MIA2: variants seen among roughly 807,000 people sequenced by gnomAD.
MIA2 encodes the protein MIA SH3 domain ER export factor 2.
A neutral mutation model predicts 167.8 loss-of-function variants in MIA2; 127 were observed. The observed-to-expected ratio is 0.76, with a 90% confidence interval of 0.66 to 0.88. The LOEUF (loss-of-function observed/expected upper bound fraction) is 0.88, where lower values mean the gene tolerates loss of function less well. MIA2 is among the 40% of genes least tolerant of loss of function. The probability of loss-of-function intolerance (pLI) is 0.00; values close to 1 mark genes in which losing one functional copy is unlikely to be tolerated. For missense variants in MIA2, 1,690 were observed against 1,624.7 expected (o/e 1.04, Z -0.69); for synonymous variants, 552 against 541.9 (o/e 1.02, Z -0.26).
At chr14:39,326,233 A>T (rs1194730570) in intron 24 of MIA2, among the ~76,000 whole-genome samples, 1 of 152,184 alleles carries the variant, frequency 6.6e-6, no homozygotes, top group African/African-American at 2.4e-5. Flanking sequence ...TGTGAATTTG[A>T]TATTTAGAAA....
intron 11 of MIA2, among the ~76,000 whole-genome samples, 180 bp from the exon 12 acceptor site, chr14:39,293,820 A>G (rs997031120): frequency 4.6e-5 from 7 of 152,194 alleles, no homozygotes; most frequent in African/African-American, 1.7e-4. Context: ...ATGAGATACT[A>G]TTGTTACGTA....
At chr14:39,290,435 G>T (rs571895469) in intron 9 of MIA2, among the ~76,000 whole-genome samples, 2 of 151,900 alleles carry the variant, frequency 1.3e-5, no homozygotes, top group African/African-American at 4.8e-5. Context: ...TAATTGAAGT[G>T]CATTTTGCCA....
At chr14:39,354,618 G>A (rs993118324), downstream of MIA2, among the ~76,000 whole-genome samples, 9 of 152,166 alleles carry the variant, frequency 5.9e-5, no homozygotes, top group African/African-American at 2.2e-4. Flanking sequence ...TGGTGTTTTA[G>A]ACATGAGATC....
In MIA2 at chr14:39,248,052, A is replaced by G. The variant is rs1566596198; in HGVS notation, c.1478A>G (p.Glu493Gly). 2.6e-6 allele frequency: 4 copies of G among 1,565,978 alleles called. No individual in the cohort carries two copies. The highest frequency in any genetic ancestry group is 3.4e-6 in the Non-Finnish European group (4 of 1,165,124). Residue 493 changes from glutamate to glycine, a missense_variant, in exon 4 of 29, where the codon GAA becomes GGA. Glu to Gly is a moderately conservative substitution (Grantham distance 98). Coordinates refer to ENST00000640607, the MANE Select transcript of MIA2 (RefSeq NM_001329214.4). ...ATACTGGATCAAAATAATGTAATTG[A>G]AAATGAAGAAACTGGAGAATTTTCC... ...KQILDQNNVI[E>G]NEETGEFSID...
chr14:39,353,327 T>A (rs1459039530), downstream of MIA2, among the ~76,000 whole-genome samples: 1 of 152,204 alleles, frequency 6.6e-6, no homozygotes, highest in East Asian at 1.9e-4. Context: ...AACCAACCTC[T>A]CTTCATGTTC....
chr14:39,234,357 C>T (rs939694041), intron 1 of MIA2, 128 bp downstream of exon 1: 1 of 531,496 alleles, frequency 1.9e-6, no homozygotes, highest in Non-Finnish European at 3.2e-6. Context: ...TTATGAAGTA[C>T]AGCTTGGTAT....
chr14:39,282,760 A>G (rs968277480), intron 9 of MIA2, among the ~76,000 whole-genome samples: 3 of 152,018 alleles, frequency 2.0e-5, no homozygotes, highest in South Asian at 4.1e-4. Context: ...TTTTGTAGAG[A>G]TGGGGTCTCC....
intron 10 of MIA2, among the ~76,000 whole-genome samples, chr14:39,292,334 A>G (rs1006959857): frequency 6.6e-6 from 1 of 152,240 alleles, no homozygotes; most frequent in South Asian, 2.1e-4. Flanking sequence ...GAATTATTAT[A>G]GGAGTAAAAT....
At position 39,376,779 on chromosome 14, in the gene MIA2, T is replaced by C. The variant is rs1400270365; in HGVS notation, c.2249-10106T>C. 3.3e-5 allele frequency among the ~76,000 whole-genome samples: 5 copies of C among 152,144 alleles called. No homozygotes were observed. In the East Asian group the frequency reaches 5.8e-4, roughly 18 times the overall value. On this transcript the variant is annotated intron_variant, in intron 23 of 23. Coordinates refer to the MIA2 transcript ENST00000341502. ...AGCAGGCTGGAGGGGAAATAGGAAG[T>C]GTAGGGTCACATTACTGAATCCACA... is the stretch of plus-strand genomic sequence containing the variant.
chr14:39,244,259 A>C (rs1254050550), intron 3 of MIA2, among the ~76,000 whole-genome samples: 1 of 152,222 alleles, frequency 6.6e-6, no homozygotes, highest in African/African-American at 2.4e-5. Context: ...GCCTTGGGAA[A>C]GGGGGATTCT....
At chr14:39,385,981 G>T in intron 23 of MIA2, 1 of 839,634 alleles carries the variant, frequency 1.2e-6, no homozygotes, top group South Asian at 1.5e-5. Flanking sequence ...GCCACCATTT[G>T]AGCAAGAACG....
intron 25 of MIA2, among the ~76,000 whole-genome samples, chr14:39,335,575 T>C (rs1384042401): frequency 6.6e-6 from 1 of 152,124 alleles, no homozygotes; most frequent in Non-Finnish European, 1.5e-5. Context: ...TCATATGCCC[T>C]ATTCCAGACA....
At chr14:39,267,704 G>A (rs2056184038) in intron 6 of MIA2, among the ~76,000 whole-genome samples, 1 of 152,250 alleles carries the variant, frequency 6.6e-6, no homozygotes, top group Non-Finnish European at 1.5e-5. Flanking sequence ...GGGCGCTTGA[G>A]TGGTTTTTGT....
chr14:39,265,177 AC>A, intron 6 of MIA2: 3 of 483,884 alleles, frequency 6.2e-6, no homozygotes, highest in African/African-American at 2.1e-5. Flanking sequence ...ATATATATAT[AC>A]TTAACAACGA....
intron 17 of MIA2, among the ~76,000 whole-genome samples, chr14:39,306,098 A>G (rs999851252): frequency 2.0e-5 from 3 of 152,158 alleles, no homozygotes; most frequent in Non-Finnish European, 4.4e-5. Flanking sequence ...GCCTAGGTCA[A>G]TGAATTTTTT....
chr14:39,251,809 G>A (rs1360619167), intron 4 of MIA2, among the ~76,000 whole-genome samples: 1 of 152,100 alleles, frequency 6.6e-6, no homozygotes, highest in Non-Finnish European at 1.5e-5. Flanking sequence ...AGACTCACAA[G>A]CTCAAAGAGC....
At chr14:39,335,286 A>C (rs1361495936) in intron 25 of MIA2, among the ~76,000 whole-genome samples, 2 of 152,076 alleles carry the variant, frequency 1.3e-5, no homozygotes, top group African/African-American at 4.8e-5. Context: ...CAACTAAAAT[A>C]ACTAAGTTTC....
Position 39,310,712 on chromosome 14 carries a change from GCTT to G in MIA2, c.3017+2129_3017+2131del, listed in dbSNP as rs1459966094. 2.6e-5 allele frequency among the ~76,000 whole-genome samples: 4 copies of G among 152,312 alleles called. No individual in the cohort carries two copies. The East Asian group carries it at 7.7e-4, about 29-fold the overall frequency. On this transcript the variant is annotated intron_variant, in intron 18 of 28. Transcript: ENST00000640607. ...TTGGAAACTGGTAGAGAGTACTAAT[GCTT>G]CTTTGAGATCAGGATGCTGGGTAGT...
At chr14:39,287,594 T>C (rs184351833) in intron 9 of MIA2, among the ~76,000 whole-genome samples, 1 of 152,220 alleles carries the variant, frequency 6.6e-6, no homozygotes, top group Non-Finnish European at 1.5e-5. Flanking sequence ...AGATGAAGTC[T>C]TGCTCTTTCA....
Sources: gnomAD v4.1 joint callset for allele counts (sites outside exome capture counted in the v4.1 genomes callset) on GRCh38, gnomAD v4.1.1 for gene constraint, MANE v1.5 for transcripts, NCBI Gene and HGNC (gene_info 2026-07-23, HGNC 2026-07-21) for gene names.